FLYWCH1: variants seen among roughly 807,000 people sequenced by gnomAD.
The protein encoded by FLYWCH1 is FLYWCH-type zinc finger-containing protein 1.
Under a neutral mutation model 66.4 loss-of-function variants are expected in FLYWCH1, and 75 were observed. That is an observed-to-expected ratio of 1.13 (90% CI 0.94 to 1.37). FLYWCH1 has a LOEUF of 1.37. Among genes scored for constraint, FLYWCH1 ranks in the 40% most tolerant of loss-of-function variants. The probability of loss-of-function intolerance (pLI) is 0.00; values close to 1 mark genes in which losing one functional copy is unlikely to be tolerated. For synonymous variants in FLYWCH1, 595 were observed against 429.9 expected (o/e 1.38, Z -4.75); for missense variants, 1,334 against 1,001.8 (o/e 1.33, Z -4.48).
At chr16:2,920,977 G>A (rs1038216203) in intron 2 of FLYWCH1, among the ~76,000 whole-genome samples, 1 of 151,792 alleles carries the variant, frequency 6.6e-6, no homozygotes, top group Non-Finnish European at 1.5e-5. Context: ...GAGTAGCTGG[G>A]ACTACAGGCG....
intron 2 of FLYWCH1, among the ~76,000 whole-genome samples, chr16:2,920,357 A>G (rs2070326216): frequency 6.6e-6 from 1 of 151,956 alleles, no homozygotes; most frequent in African/African-American, 2.4e-5. Flanking sequence ...TAAAAATACA[A>G]AACAAAATTT....
rs539987043 is a variant in FLYWCH1 at position 2,931,372 on chromosome 16, C to T, written c.796+492C>T. On this transcript the variant is annotated intron_variant, in intron 4 of 9. Transcript: ENST00000253928. ...GGGCACAGTGTTCATGCCTATAATCCTAGCACTTTGGGAGGCTGGGGCAGG... is the reference window on the plus strand; with the variant it reads ...GGGCACAGTGTTCATGCCTATAATCTTAGCACTTTGGGAGGCTGGGGCAGG... Among the ~76,000 whole-genome samples, 161 of 150,374 alleles carry T rather than the reference C, an allele frequency of 1.1e-3. 1 individual carries two copies. Among genetic ancestry groups the T allele is most frequent in the Middle Eastern group, 7.0e-3 (2 of 284 alleles).
At chr16:2,932,174 G>T (rs924614970) in intron 4 of FLYWCH1, among the ~76,000 whole-genome samples, 3 of 149,970 alleles carry the variant, frequency 2.0e-5, no homozygotes, top group Non-Finnish European at 3.0e-5. Context: ...CCAGTTACTC[G>T]GGAGGCTAAG....
At position 2,949,171 on chromosome 16, in the gene FLYWCH1, T is replaced by A. The variant is rs968901804; in HGVS notation, c.*444T>A. 3 of 188,468 alleles carry A rather than the reference T, an allele frequency of 1.6e-5. No homozygotes were observed. Among genetic ancestry groups the A allele is most frequent in the African/African-American group, 7.1e-5 (3 of 42,086 alleles). 11.7% of individuals were successfully genotyped at this position (188,468 alleles called of 1,614,324 possible). A position where few individuals can be genotyped will look rare whatever the true frequency, so the allele number is the denominator to read the frequency against. On this transcript the variant is annotated 3_prime_UTR_variant, in exon 10 of 10. Coordinates refer to ENST00000253928, the MANE Select transcript of FLYWCH1 (RefSeq NM_001308068.2). Reference sequence around the variant, plus strand: ...GGGCACGTTTGGGGAAGTTCCTGCTTCAAACTGAGCTGCCCCGCATAGGCC... The same window carrying A: ...GGGCACGTTTGGGGAAGTTCCTGCTACAAACTGAGCTGCCCCGCATAGGCC...
In FLYWCH1 at chr16:2,933,166, A is replaced by G. The variant is rs1009315640; in HGVS notation, c.833A>G (p.Tyr278Cys). 8 of 1,613,392 alleles carry G rather than the reference A, an allele frequency of 5.0e-6. No individual in the cohort carries two copies. Among genetic ancestry groups the G allele is most frequent in the South Asian group, 1.1e-5 (1 of 91,064 alleles). The part of the protein sequence containing the change: ...ARPLEFLRTC[Y>C]GGSFLVHESF... ...CCCCTCGAGTTCCTGAGGACGTGCT[A>G]CGGGGGCAGCTTCCTGGTACACGAG... is the stretch of plus-strand genomic sequence containing the variant. Residue 278 changes from tyrosine to cysteine, a missense_variant, in exon 5 of 10, where the codon TAC (tyrosine) becomes TGC (cysteine). Tyr to Cys is a radical substitution (Grantham distance 194). Transcript: ENST00000253928.
intron 2 of FLYWCH1, among the ~76,000 whole-genome samples, chr16:2,914,931 A>G (rs1357634734): frequency 6.7e-6 from 1 of 150,006 alleles, no homozygotes; most frequent in Non-Finnish European, 1.5e-5. Flanking sequence ...AAAAAAAGAA[A>G]TTTGTACTGA....
rs1246549608 is a variant in FLYWCH1, at chr16:2,930,030, C to T, written c.325+20C>T. 6 of 1,586,868 alleles carry T rather than the reference C, an allele frequency of 3.8e-6. No individual in the cohort carries two copies. Among genetic ancestry groups the T allele is most frequent in the Non-Finnish European group, 4.3e-6 (5 of 1,161,936 alleles). ...ATGCAGGTGAGGTGTGGCTTCCCGC[C>T]CCTGCCCAGCCACCCCGTGGGTTCC... is the stretch of plus-strand genomic sequence containing the variant. On this transcript the variant is annotated intron_variant, in intron 3 of 9. Coordinates refer to ENST00000253928, the MANE Select transcript of FLYWCH1 (RefSeq NM_001308068.2).
intron 2 of FLYWCH1, among the ~76,000 whole-genome samples, chr16:2,923,729 T>C (rs187138143): frequency 1.3e-5 from 2 of 152,274 alleles, no homozygotes; most frequent in African/African-American, 4.8e-5. Flanking sequence ...CCGTTTGCAT[T>C]ATTCCATCTA....
chr16:2,948,700 C>T lies in FLYWCH1; in HGVS notation c.2124C>T (p.Asp708=), dbSNP rs201824742. ...TCTTTGTAATTAGGGACATCAAAGA[C>T]GTCAGACTGGATGGCGAGTCCCAGT... is the stretch of plus-strand genomic sequence containing the variant. ...ESQQIYGDIK[D]VRLDGESQ is the part of the protein sequence containing the mutation. Residue 708 remains aspartate, a synonymous_variant, in exon 10 of 10, where the codon GAC becomes GAT. Coordinates refer to ENST00000253928, the MANE Select transcript of FLYWCH1 (RefSeq NM_001308068.2). The T allele has an allele frequency of 3.5e-4, 571 of 1,613,828 alleles. 2 individuals are homozygous for T. The highest frequency in any genetic ancestry group is 3.5e-3 in the Middle Eastern group (21 of 6,058).
At chr16:2,942,336 C>G (rs1400024120) in intron 9 of FLYWCH1, among the ~76,000 whole-genome samples, 1 of 151,906 alleles carries the variant, frequency 6.6e-6, no homozygotes, top group Admixed American at 6.6e-5. Flanking sequence ...TTAGTAGAAA[C>G]GGGGTTTTCC....
chr16:2,922,550 G>A (rs2070410577), intron 2 of FLYWCH1: 1 of 282,990 alleles, frequency 3.5e-6, no homozygotes, highest in Non-Finnish European at 6.9e-6. Context: ...CCTCATACAA[G>A]TGGAATCAGA....
At chr16:2,924,075 A>C (rs1159784235) in intron 2 of FLYWCH1, among the ~76,000 whole-genome samples, 4 of 152,136 alleles carry the variant, frequency 2.6e-5, no homozygotes, top group Non-Finnish European at 5.9e-5. Flanking sequence ...TCACGCCGGT[A>C]ATCCCAGTAC....
rs547709070 is a variant in FLYWCH1, at chr16:2,930,483, C to G, written c.399C>G (p.Tyr133Ter). Residue 133 changes from tyrosine (Y) to a stop codon, truncating the protein, a stop_gained, in exon 4 of 10, where the codon TAC becomes TAG. Transcript: ENST00000253928. LOFTEE classifies it high-confidence loss of function. Reference protein sequence around the residue: ...GRLLVLESFLYKQEKAVGDKV... With the variant: ...GRLLVLESFL ...TCCTGGTGCTGGAGTCCTTCCTGTA[C>G]AAGCAGGAGAAGGCAGTGGGGGACA... 4 of 1,525,344 alleles carry G rather than the reference C, an allele frequency of 2.6e-6. No homozygotes were observed. Among genetic ancestry groups the G allele is most frequent in the African/African-American group, 1.4e-5 (1 of 71,154 alleles). 94.5% of individuals were successfully genotyped at this position (1,525,344 alleles called of 1,614,324 possible).
chr16:2,921,878 A>G (rs1194971237), intron 2 of FLYWCH1, among the ~76,000 whole-genome samples: 1 of 151,694 alleles, frequency 6.6e-6, no homozygotes, highest in Non-Finnish European at 1.5e-5. Flanking sequence ...CCTGGCCAAT[A>G]TGGTGAAACC....
At chr16:2,917,725 C>T (rs977036325) in intron 2 of FLYWCH1, among the ~76,000 whole-genome samples, 3 of 152,144 alleles carry the variant, frequency 2.0e-5, no homozygotes, top group Non-Finnish European at 4.4e-5. Context: ...GTCTAGTTCA[C>T]AGTCTATCAG....
At position 2,933,595 on chromosome 16, in the gene FLYWCH1, C is replaced by A; in HGVS notation, c.1249+13C>A. 1 of 1,576,318 alleles carries A rather than the reference C, an allele frequency of 6.3e-7. No individual in the cohort carries two copies. Among genetic ancestry groups the A allele is most frequent in the Non-Finnish European group, 8.6e-7 (1 of 1,161,072 alleles). ...GACGCAGACCCGGGTGAGCTGCCTTCCTTTGGGGCTCACCGGCCCTGCCTT... is the reference window on the plus strand; with the variant it reads ...GACGCAGACCCGGGTGAGCTGCCTTACTTTGGGGCTCACCGGCCCTGCCTT... On this transcript the variant is annotated intron_variant, in intron 5 of 9. Transcript: ENST00000253928.
intron 2 of FLYWCH1, chr16:2,922,870 A>C (rs562330086): frequency 5.7e-6 from 3 of 524,242 alleles, no homozygotes; most frequent in Non-Finnish European, 1.1e-5. Flanking sequence ...TCTTCATGGC[A>C]GACTCAGTGG....
intron 6 of FLYWCH1, chr16:2,936,869 C>T (rs553076836): frequency 3.1e-6 from 2 of 641,684 alleles, no homozygotes; most frequent in African/African-American, 1.8e-5. Flanking sequence ...TCCCTGAAGG[C>T]ATGGCAAGGT....
chr16:2,932,423 G>T (rs1328849616), intron 4 of FLYWCH1, among the ~76,000 whole-genome samples: 1 of 152,122 alleles, frequency 6.6e-6, no homozygotes, highest in Non-Finnish European at 1.5e-5. Flanking sequence ...TCCTAAGGTG[G>T]CTGTGATAAC....
Sources: allele counts gnomAD v4.1 joint callset (sites outside exome capture counted in the v4.1 genomes callset), GRCh38; gene constraint gnomAD v4.1.1; transcripts MANE v1.5; gene names NCBI Gene and HGNC (gene_info 2026-07-23, HGNC 2026-07-21).